SLC67A1: variants seen among roughly 807,000 people sequenced by gnomAD.
The protein encoded by SLC67A1 is solute carrier family 67 member A1.
the SLC67A1 span, among the ~76,000 whole-genome samples, chr11:2,905,375 C>G: frequency 6.6e-6 from 1 of 152,124 alleles, no homozygotes; most frequent in South Asian, 2.1e-4. Flanking sequence ...CCAAAGCGGA[C>G]CACTGGAGGC....
At chr11:2,909,043 G>A in the SLC67A1 span, among the ~76,000 whole-genome samples, 1 of 152,232 alleles carries the variant, frequency 6.6e-6, no homozygotes, top group Non-Finnish European at 1.5e-5. Context: ...CTGAGAGGAG[G>A]GAGGCCTCCC....
At chr11:2,922,549 G>A in the SLC67A1 span, 61 of 1,611,958 alleles carry the variant, frequency 3.8e-5, no homozygotes, top group African/African-American at 1.5e-4. Context: ...TCTCCACCTC[G>A]GACACAGGTG....
At chr11:2,909,894 G>GC in the SLC67A1 span, 1 of 613,582 alleles carries the variant, frequency 1.6e-6, no homozygotes, top group East Asian at 3.4e-5. Flanking sequence ...GGGCTGGCTG[G>GC]CCCTGGATAG....
chr11:2,916,243 G>C, the SLC67A1 span: 1 of 199,924 alleles, frequency 5.0e-6, no homozygotes, highest in Non-Finnish European at 1.0e-5. Flanking sequence ...CCCCTCCCAG[G>C]GACATGCACA....
chr11:2,914,658 G>A, the SLC67A1 span: 50 of 976,260 alleles, frequency 5.1e-5, no homozygotes, highest in Non-Finnish European at 5.6e-5. Context: ...ACCACCGCTC[G>A]AGGGCCTGGC....
At chr11:2,902,429 C>T in the SLC67A1 span, 2 of 206,238 alleles carry the variant, frequency 9.7e-6, no homozygotes, top group Non-Finnish European at 1.7e-5. Flanking sequence ...GGCGCAGCGT[C>T]GCACCTCTGC....
chr11:2,904,460 C>T, the SLC67A1 span, among the ~76,000 whole-genome samples: 2 of 152,264 alleles, frequency 1.3e-5, no homozygotes, highest in South Asian at 2.1e-4. Flanking sequence ...CCTCCCTACC[C>T]GTGGGGAAGG....
chr11:2,923,296 A>C, the SLC67A1 span, among the ~76,000 whole-genome samples: 5 of 151,572 alleles, frequency 3.3e-5, no homozygotes, highest in African/African-American at 9.7e-5. This position sits in a 1 kb window ranked among gnomAD's most constrained non-coding sequence, Gnocchi z 6.5. Flanking sequence ...CACACATCTG[A>C]CACTCCATCC....
At chr11:2,903,038 C>T in the SLC67A1 span, 3 of 409,702 alleles carry the variant, frequency 7.3e-6, no homozygotes, top group East Asian at 1.4e-4. Flanking sequence ...CCTGGCCCAC[C>T]TGCAGGGGTC....
the SLC67A1 span, among the ~76,000 whole-genome samples, chr11:2,902,963 G>A: frequency 2.6e-5 from 4 of 152,212 alleles, no homozygotes; most frequent in South Asian, 2.1e-4. Flanking sequence ...CCACCACTCC[G>A]AGCCTCTGCC....
the SLC67A1 span, chr11:2,909,655 G>GGCGT: frequency 6.5e-7 from 1 of 1,537,952 alleles, no homozygotes; most frequent in Non-Finnish European, 8.7e-7. Context: ...CCTCTGCTTC[G>GGCGT]GCGTCGGAGT....
chr11:2,924,269 G>A, the SLC67A1 span, among the ~76,000 whole-genome samples: 2 of 152,194 alleles, frequency 1.3e-5, no homozygotes, highest in Non-Finnish European at 2.9e-5. This position sits in a 1 kb window ranked among gnomAD's most constrained non-coding sequence, Gnocchi z 8.6. Context: ...GAAGCCGCTC[G>A]GTCTTGCTCT....
At chr11:2,923,045 C>T in the SLC67A1 span, among the ~76,000 whole-genome samples, 1 of 152,196 alleles carries the variant, frequency 6.6e-6, no homozygotes, top group Non-Finnish European at 1.5e-5. This position sits in a 1 kb window ranked among gnomAD's most constrained non-coding sequence, Gnocchi z 6.5. Flanking sequence ...ATAGATTCCC[C>T]CAGTCCCCAC....
chr11:2,899,769 G>T, the SLC67A1 span: 1 of 1,415,834 alleles, frequency 7.1e-7, no homozygotes, highest in Non-Finnish European at 9.3e-7. Flanking sequence ...CAGTTCCCTG[G>T]CTACCTGAGG....
At chr11:2,914,715 T>C in the SLC67A1 span, 1 of 985,388 alleles carries the variant, frequency 1.0e-6, no homozygotes, top group Non-Finnish European at 1.2e-6. Flanking sequence ...AAAATAGCCA[T>C]CGAAGTGGTG....
At chr11:2,909,304 C>CT in the SLC67A1 span, 5 of 1,534,084 alleles carry the variant, frequency 3.3e-6, no homozygotes, top group South Asian at 4.8e-5. Context: ...TGCCCGGGGT[C>CT]TACCTGCTCT....
At chr11:2,919,577 A>G in the SLC67A1 span, 2 of 601,726 alleles carry the variant, frequency 3.3e-6, no homozygotes, top group Non-Finnish European at 6.0e-6. Context: ...AGGGAGAGCC[A>G]ACTGCAGTGG....
the SLC67A1 span, chr11:2,903,027 G>A: frequency 1.3e-5 from 5 of 372,382 alleles, no homozygotes; most frequent in Non-Finnish European, 1.9e-5. Flanking sequence ...CAGGCACTGA[G>A]CCTGGCCCAC....
chr11:2,922,165 G>C, the SLC67A1 span: 1 of 1,613,550 alleles, frequency 6.2e-7, no homozygotes, highest in Non-Finnish European at 8.5e-7. Flanking sequence ...GCTGCTCCGG[G>C]CCAGCGTGCT....
Sources: gnomAD v4.1 joint callset for allele counts (sites outside exome capture counted in the v4.1 genomes callset) on GRCh38, gnomAD v4.1.1 for gene constraint, Gnocchi (gnomAD v3.1) non-coding constraint, MANE v1.5 for transcripts, NCBI Gene and HGNC (gene_info 2026-07-23, HGNC 2026-07-21) for gene names.